Variants in BIRC6 observed in about 807,000 individuals in gnomAD.
BIRC6 encodes baculoviral IAP repeat containing 6.
A neutral mutation model predicts 503.3 loss-of-function variants in BIRC6; 98 were observed. That is an observed-to-expected ratio of 0.19 (90% CI 0.17 to 0.23). The LOEUF is 0.23. Among genes scored for constraint, BIRC6 ranks in the 10% least tolerant of loss-of-function variants. BIRC6 has a pLI of 1.00. For missense variants in BIRC6, 5,360 were observed against 5,806.0 expected, an observed-to-expected ratio of 0.92 and a Z score of 2.50; for synonymous variants, 2,240 against 2,078.7, an observed-to-expected ratio of 1.08 and a Z score of -2.11.
chr2:32,413,895 T>C (rs1449151130), intron 9 of BIRC6, among the ~76,000 whole-genome samples: 1 of 152,272 alleles, frequency 6.6e-6, no homozygotes. Context: ...TACTACAATG[T>C]AAATACTGAG....
At chr2:32,366,273 T>C (rs2034917372) in intron 1 of BIRC6, among the ~76,000 whole-genome samples, 1 of 152,220 alleles carries the variant, frequency 6.6e-6, no homozygotes, top group East Asian at 1.9e-4. Context: ...TTTAAGATTT[T>C]TGGGGAGGAG....
intron 33 of BIRC6, 100 bp from the exon 34 acceptor site, chr2:32,476,113 G>T: frequency 1.2e-6 from 1 of 836,920 alleles, no homozygotes; most frequent in Non-Finnish European, 1.8e-6. Context: ...TCAAGATAAT[G>T]TGCATTCCAT....
chr2:32,501,836 T>C lies in BIRC6; in HGVS notation c.9155T>C (p.Met3052Thr). 1 of 1,613,928 alleles carries C rather than the reference T, an allele frequency of 6.2e-7. No individual in the cohort carries two copies. Among genetic ancestry groups the C allele is most frequent in the South Asian group, 1.1e-5 (1 of 91,060 alleles). ...TLSKKASTVHMMLQPILTYMA... is the reference protein window; with the variant it reads ...TLSKKASTVHTMLQPILTYMA... Reference sequence around the variant, plus strand: ...AGTAAAAAAGCTTCTACAGTCCACATGATGCTGCAGCCAATTTTAACATAC... The same window carrying C: ...AGTAAAAAAGCTTCTACAGTCCACACGATGCTGCAGCCAATTTTAACATAC... Residue 3052 changes from methionine to threonine, a missense_variant, in exon 47 of 74, where the codon ATG (methionine) becomes ACG (threonine). This residue lies in a region of BIRC6 where 267 missense variants were observed against 287.6 expected (regional missense o/e 0.93). Transcript: ENST00000421745.
intron 55 of BIRC6, among the ~76,000 whole-genome samples, chr2:32,517,165 T>G (rs947339572): frequency 3.9e-5 from 6 of 152,078 alleles, no homozygotes; most frequent in Admixed American, 3.3e-4. Flanking sequence ...ACCTCCTGTC[T>G]ACCAAAAAAA....
chr2:32,560,707 C>T (rs950262613), intron 65 of BIRC6, among the ~76,000 whole-genome samples: 1 of 152,138 alleles, frequency 6.6e-6, no homozygotes, highest in Admixed American at 6.5e-5. Context: ...GCTGGGACTA[C>T]AGGCACCTGC....
intron 72 of BIRC6, among the ~76,000 whole-genome samples, chr2:32,608,974 G>A (rs1031472159): frequency 9.2e-5 from 14 of 151,580 alleles, no homozygotes; most frequent in Non-Finnish European, 1.2e-4. Context: ...CCGCCTCCCC[G>A]GTTCAAGTGA....
At chr2:32,376,718 G>C (rs752547784) in intron 1 of BIRC6, among the ~76,000 whole-genome samples, 1 of 152,032 alleles carries the variant, frequency 6.6e-6, no homozygotes, top group Non-Finnish European at 1.5e-5. Context: ...TATGGTTCGA[G>C]GGTTAGCTGG....
At chr2:32,613,447 C>G in intron 73 of BIRC6, among the ~76,000 whole-genome samples, 1 of 152,108 alleles carries the variant, frequency 6.6e-6, no homozygotes, top group Middle Eastern at 3.4e-3. Context: ...GTGGCTTGAT[C>G]TCAGCTCACT....
At chr2:32,461,877 G>A (rs1305213756) in intron 23 of BIRC6, among the ~76,000 whole-genome samples, 2 of 151,936 alleles carry the variant, frequency 1.3e-5, no homozygotes, top group African/African-American at 2.4e-5. Flanking sequence ...TGCCTAGTTA[G>A]TACTTAATAC....
intron 10 of BIRC6, among the ~76,000 whole-genome samples, chr2:32,420,801 C>T (rs1026405194): frequency 3.3e-5 from 5 of 152,080 alleles, no homozygotes; most frequent in African/African-American, 9.7e-5. Context: ...TGTGAGCTAC[C>T]ATGCCTGGCT....
intron 33 of BIRC6, among the ~76,000 whole-genome samples, chr2:32,475,147 G>A (rs2049589370): frequency 1.8e-5 from 2 of 109,962 alleles, no homozygotes; most frequent in Admixed American, 2.3e-4. Flanking sequence ...GGGTGACACA[G>A]CAAGACTATC....
In BIRC6 at chr2:32,488,834, CAG is replaced by C. The variant is rs1000314749; in HGVS notation, c.8095+122_8095+123del. ...TTATAACATTCTAGTGGGGAAAAAA[CAG>C]AATACCTTTTTAAAAAGATGCACTA... is the stretch of plus-strand genomic sequence containing the variant. On this transcript the variant is annotated intron_variant, in intron 42 of 73. Coordinates refer to ENST00000421745, the MANE Select transcript of BIRC6 (RefSeq NM_016252.4). 2.7e-5 allele frequency: 19 copies of C among 694,296 alleles called. No individual in the cohort carries two copies. In the South Asian group the frequency reaches 5.4e-4, roughly 20 times the overall value. 43.0% of individuals were successfully genotyped at this position (694,296 alleles called of 1,614,324 possible).
In BIRC6 at chr2:32,504,359, A is replaced by G. The variant is rs538452938; in HGVS notation, c.9500-646A>G. Among the ~76,000 whole-genome samples the G allele has an allele frequency of 1.9e-3, 292 of 152,094 alleles. 2 individuals carry two copies. Among genetic ancestry groups the G allele is most frequent in the South Asian group, 3.1e-3 (15 of 4,810 alleles). Reference sequence around the variant, plus strand: ...TTTTTAAAGGTGAAGGATATATTGGACATTGTTTTTTACTTAAAGAGTTTG... The same window carrying G: ...TTTTTAAAGGTGAAGGATATATTGGGCATTGTTTTTTACTTAAAGAGTTTG... On this transcript the variant is annotated intron_variant, in intron 49 of 73. Transcript: ENST00000421745.
chr2:32,510,917 G>A (rs1455672746), intron 53 of BIRC6, among the ~76,000 whole-genome samples: 1 of 152,076 alleles, frequency 6.6e-6, no homozygotes, highest in East Asian at 1.9e-4. Flanking sequence ...TTTTAAGTTG[G>A]CTACGTGTGA....
intron 22 of BIRC6, among the ~76,000 whole-genome samples, chr2:32,450,971 C>A (rs557616625): frequency 2.0e-5 from 3 of 152,264 alleles, no homozygotes; most frequent in African/African-American, 7.2e-5. Context: ...TTGGTTGAAT[C>A]CATGGATGCC....
chr2:32,612,174 ACTTCTTTTATTCC>A (rs2062924037), intron 73 of BIRC6, among the ~76,000 whole-genome samples: 1 of 152,098 alleles, frequency 6.6e-6, no homozygotes, highest in South Asian at 2.1e-4. Flanking sequence ...GACTTGAAGG[ACTTCTTTTATTCC>A]CTTAGTCTTT....
intron 61 of BIRC6, among the ~76,000 whole-genome samples, chr2:32,533,384 CT>C (rs1457275292): frequency 6.6e-6 from 1 of 152,138 alleles, no homozygotes; most frequent in Non-Finnish European, 1.5e-5. Flanking sequence ...TACAACCTGT[CT>C]TTTTCTTGCT....
chr2:32,424,519 T>C (rs1327660292), intron 10 of BIRC6, among the ~76,000 whole-genome samples: 1 of 142,768 alleles, frequency 7.0e-6, no homozygotes, highest in East Asian at 2.0e-4. Context: ...TGTTCAACCC[T>C]TTTTTTTTTT....
chr2:32,475,163 A>C (rs2049596547), intron 33 of BIRC6, among the ~76,000 whole-genome samples: 1 of 151,238 alleles, frequency 6.6e-6, no homozygotes, highest in African/African-American at 2.4e-5. Context: ...CTATCTTAAA[A>C]AAAAAAAAAA....
Sources: gnomAD v4.1 joint callset for allele counts (sites outside exome capture counted in the v4.1 genomes callset) on GRCh38, gnomAD v4.1.1 for gene constraint, gnomAD v4.1.1 regional missense constraint, MANE v1.5 for transcripts, NCBI Gene and HGNC (gene_info 2026-07-23, HGNC 2026-07-21) for gene names.